The following MTA3 variants were observed in gnomAD, a reference collection of about 807,000 sequenced individuals.
MTA3 encodes metastasis-associated protein MTA3.
Under a neutral mutation model 83.5 loss-of-function variants are expected in MTA3, and 34 were observed. The ratio of observed to expected loss-of-function variants is 0.41; its 90% CI spans 0.31 to 0.54. The LOEUF is 0.54. Among genes scored for constraint, MTA3 ranks in the 20% least tolerant of loss-of-function variants. The probability of loss-of-function intolerance (pLI) is 0.33; values close to 1 mark genes in which losing one functional copy is unlikely to be tolerated. For missense variants in MTA3, 761 were observed against 726.4 expected (o/e 1.05, Z -0.55); for synonymous variants, 303 against 252.7 (o/e 1.20, Z -1.89).
chr2:42,747,259 G>A (rs926413499), intron 16 of MTA3, among the ~76,000 whole-genome samples: 2 of 151,912 alleles, frequency 1.3e-5, no homozygotes, highest in Non-Finnish European at 2.9e-5. Flanking sequence ...CTCAGCCCCC[G>A]AAAGTGCTGG....
chr2:42,752,851 C>T (rs1055856759), intron 16 of MTA3, among the ~76,000 whole-genome samples: 2 of 152,204 alleles, frequency 1.3e-5, no homozygotes, highest in South Asian at 4.1e-4. Flanking sequence ...ATCTTTCCGT[C>T]CTTCAGTATC....
At chr2:42,576,108 A>C (rs1023960930) in intron 2 of MTA3, among the ~76,000 whole-genome samples, 1 of 152,204 alleles carries the variant, frequency 6.6e-6, no homozygotes, top group East Asian at 1.9e-4. Context: ...TGTACCAGGC[A>C]CTATGCTAGG....
intron 3 of MTA3, among the ~76,000 whole-genome samples, chr2:42,602,530 G>A (rs892338395): frequency 1.4e-4 from 21 of 152,110 alleles, no homozygotes; most frequent in Non-Finnish European, 2.9e-4. Flanking sequence ...CTCTGTTAAT[G>A]TATGAGAACT....
At chr2:42,703,812 C>A in intron 11 of MTA3, 1 of 166,576 alleles carries the variant, frequency 6.0e-6, no homozygotes, top group Non-Finnish European at 1.3e-5. Context: ...ATTGCTTGAA[C>A]CCGGGACACG....
chr2:42,723,003 A>G lies in MTA3; in HGVS notation c.1727A>G (p.Lys576Arg). The G allele has an allele frequency of 6.4e-7, 1 of 1,550,988 alleles. No individual in the cohort carries two copies. The highest frequency in any genetic ancestry group is 2.4e-5 in the East Asian group (1 of 40,922). ...CACACATCTCTGAGCATTCTGGGGA[A>G]AAGAAACTACAGTCATCACAATGGT... ...PNHTSLSILG[K>R]RNYSHHNGLD... is the part of the protein sequence containing the mutation. Residue 576 changes from lysine to arginine, a missense_variant, in exon 16 of 17, where the codon AAA (lysine) becomes AGA (arginine). Physicochemically the swap from Lys to Arg is conservative, Grantham distance 26. Transcript: ENST00000405094.
At chr2:42,645,451 G>A (rs1185409893) in intron 6 of MTA3, among the ~76,000 whole-genome samples, 1 of 152,108 alleles carries the variant, frequency 6.6e-6, no homozygotes, top group Admixed American at 6.6e-5. Context: ...TTTGAACCTC[G>A]GAGGCAGAGG....
intron 4 of MTA3, among the ~76,000 whole-genome samples, chr2:42,615,738 T>TTTC (rs1684797602): frequency 7.0e-6 from 1 of 143,676 alleles, no homozygotes; most frequent in South Asian, 2.3e-4. Flanking sequence ...TTTTTTTTTT[T>TTTC]GAGACGGAGT....
chr2:42,636,963 TAAAAG>T (rs1277845146), intron 4 of MTA3, among the ~76,000 whole-genome samples: 1 of 152,184 alleles, frequency 6.6e-6, no homozygotes, highest in Non-Finnish European at 1.5e-5. Flanking sequence ...TAGCTTTAGA[TAAAAG>T]AAATATATAA....
intron 9 of MTA3, among the ~76,000 whole-genome samples, chr2:42,694,868 C>T (rs1026018329): frequency 2.0e-5 from 3 of 152,082 alleles, no homozygotes; most frequent in Non-Finnish European, 2.9e-5. Context: ...GGGCTGGTCA[C>T]GGTGGCTCAT....
At chr2:42,526,497 C>CCCAG (rs1407497729) in intron 2 of MTA3, among the ~76,000 whole-genome samples, 2 of 152,294 alleles carry the variant, frequency 1.3e-5, no homozygotes, top group East Asian at 3.9e-4. Context: ...TCAGTGTGAA[C>CCCAG]CCAGATACAT....
rs70963328 is a variant in MTA3 at position 42,540,170 on chromosome 2, AT to A, written c.-140-30247del. Among the ~76,000 whole-genome samples the A allele has an allele frequency of 3.5e-3, 443 of 125,400 alleles. 1 individual carries two copies. Among genetic ancestry groups the A allele is most frequent in the Middle Eastern group, 9.2e-3 (2 of 218 alleles). 82.3% of individuals were successfully genotyped at this position (125,400 alleles called of 152,430 possible). ...CCAATAGTGGGCATTAACTTTGTAG[AT>A]TTTTTTTTTTTTTTTTTTTGTAGAC... is the stretch of plus-strand genomic sequence containing the variant. On this transcript the variant is annotated intron_variant, in intron 2 of 17. Transcript: ENST00000405592.
At chr2:42,514,974 A>T (rs1015436475) in intron 2 of MTA3, among the ~76,000 whole-genome samples, 10 of 151,638 alleles carry the variant, frequency 6.6e-5, no homozygotes, top group African/African-American at 2.4e-4. Context: ...TACAGGCGTG[A>T]CCCACTATGA....
intron 2 of MTA3, among the ~76,000 whole-genome samples, chr2:42,534,762 A>G (rs1186345670): frequency 6.6e-6 from 1 of 152,170 alleles, no homozygotes; most frequent in Non-Finnish European, 1.5e-5. Flanking sequence ...CATCTATTAT[A>G]TGCCACTGAA....
chr2:42,720,402 C>T (rs1667320888), intron 15 of MTA3, among the ~76,000 whole-genome samples: 1 of 152,016 alleles, frequency 6.6e-6, no homozygotes, highest in Non-Finnish European at 1.5e-5. Context: ...AGGAGGGTCT[C>T]AATCTCCTGA....
chr2:42,614,976 T>TAA (rs55857778), intron 4 of MTA3, among the ~76,000 whole-genome samples: 53,279 of 142,200 alleles, frequency 0.37, 10,076 homozygotes, highest in Middle Eastern at 0.53. Context: ...GACTCTGTCT[T>TAA]AAAAAAAAAA....
chr2:42,708,103 T>C, intron 13 of MTA3, 49 bp downstream of exon 13: 1 of 1,546,902 alleles, frequency 6.5e-7, no homozygotes, highest in Non-Finnish European at 8.7e-7. Context: ...TTAAATGGGT[T>C]GATTATTCCT....
At chr2:42,711,350 G>A (rs1666593207) in intron 14 of MTA3, among the ~76,000 whole-genome samples, 1 of 151,876 alleles carries the variant, frequency 6.6e-6, no homozygotes, top group South Asian at 2.1e-4. Context: ...TCAATTGACG[G>A]GCCATGCTGC....
At position 42,610,032 on chromosome 2, in the gene MTA3, A is replaced by G. The variant is rs1683995571; in HGVS notation, c.317+448A>G. ...GGAGAATTGCTTGAATCTAGGAAGCAGAGGTTGCAGTGTGCTGACATCGTG... is the reference window on the plus strand; with the variant it reads ...GGAGAATTGCTTGAATCTAGGAAGCGGAGGTTGCAGTGTGCTGACATCGTG... On this transcript the variant is annotated intron_variant, in intron 4 of 16. Coordinates refer to ENST00000405094, the MANE Select transcript of MTA3 (RefSeq NM_001330442.2). 2.6e-5 allele frequency among the ~76,000 whole-genome samples: 4 copies of G among 152,296 alleles called. No individual in the cohort carries two copies. The South Asian group carries it at 8.3e-4, about 32-fold the overall frequency.
At chr2:42,611,141 C>G (rs920285902) in intron 4 of MTA3, among the ~76,000 whole-genome samples, 6 of 151,888 alleles carry the variant, frequency 4.0e-5, no homozygotes, top group African/African-American at 1.5e-4. Flanking sequence ...GCCACCATGC[C>G]CAGCTAATTT....
Sources: allele counts gnomAD v4.1 joint callset (sites outside exome capture counted in the v4.1 genomes callset), GRCh38; gene constraint gnomAD v4.1.1; transcripts MANE v1.5; gene names NCBI Gene and HGNC (gene_info 2026-07-23, HGNC 2026-07-21).